Variants in AKT3 observed in about 807,000 individuals in gnomAD.
The protein encoded by AKT3 is AKT serine/threonine kinase 3, also known as RAC-gamma serine/threonine-protein kinase.
A neutral mutation model predicts 65.3 loss-of-function variants in AKT3; 15 were observed. That is an observed-to-expected ratio of 0.23 (90% CI 0.15 to 0.35). The LOEUF is 0.35. Ranked by LOEUF, AKT3 falls within the 10% of genes least tolerant of loss-of-function variation. AKT3 has a pLI of 1.00. For synonymous variants in AKT3, 206 were observed against 183.8 expected, an observed-to-expected ratio of 1.12 and a Z score of -0.98; for missense variants, 243 against 576.5, an observed-to-expected ratio of 0.42 and a Z score of 5.92.
intron 4 of AKT3, among the ~76,000 whole-genome samples, chr1:243,655,375 T>G (rs2147881198): frequency 1.3e-5 from 2 of 152,326 alleles, no homozygotes; most frequent in South Asian, 4.1e-4. Flanking sequence ...TCAAACAATT[T>G]TAACATACTT....
intron 8 of AKT3, among the ~76,000 whole-genome samples, chr1:243,608,460 A>G (rs981696519): frequency 6.6e-6 from 1 of 152,176 alleles, no homozygotes; most frequent in Non-Finnish European, 1.5e-5. Context: ...CGAGGCCACT[A>G]AAGGAGCTCA....
At chr1:243,586,559 A>T (rs754134123) in intron 8 of AKT3, among the ~76,000 whole-genome samples, 2 of 152,210 alleles carry the variant, frequency 1.3e-5, no homozygotes, top group Non-Finnish European at 2.9e-5. Context: ...AAAAGAACAA[A>T]ATCCGGTCCT....
intron 6 of AKT3, among the ~76,000 whole-genome samples, chr1:243,624,133 C>T (rs1164115936): frequency 1.3e-5 from 2 of 152,122 alleles, no homozygotes; most frequent in Non-Finnish European, 2.9e-5. Flanking sequence ...ATGGCAAAAA[C>T]ATTGTTTCAA....
chr1:243,768,070 G>T (rs945054956), intron 2 of AKT3, among the ~76,000 whole-genome samples: 1 of 150,950 alleles, frequency 6.6e-6, no homozygotes, highest in Non-Finnish European at 1.5e-5. Context: ...ATTATAAAAT[G>T]CCATAAACTA....
At chr1:243,586,363 C>G (rs1280536582) in intron 8 of AKT3, among the ~76,000 whole-genome samples, 4 of 152,156 alleles carry the variant, frequency 2.6e-5, no homozygotes, top group Non-Finnish European at 5.9e-5. Context: ...TAAAATAAAG[C>G]TACCATTTGA....
At position 243,624,248 on chromosome 1, in the gene AKT3, T is replaced by C. The variant is rs572525983; in HGVS notation, c.562-9087A>G. Among the ~76,000 whole-genome samples, 43 of 152,314 alleles carry C rather than the reference T, an allele frequency of 2.8e-4. No individual in the cohort carries two copies. In the South Asian group the frequency reaches 7.3e-3, roughly 26 times the overall value. ...AGCTGTACTGTGCTGTTACTACATATAGAAGTTGTCAATGGAATTTAGAAA... is the reference window on the plus strand; with the variant it reads ...AGCTGTACTGTGCTGTTACTACATACAGAAGTTGTCAATGGAATTTAGAAA... On this transcript the variant is annotated intron_variant, in intron 6 of 13. Coordinates refer to ENST00000673466, the MANE Select transcript of AKT3 (RefSeq NM_005465.7).
intron 4 of AKT3, among the ~76,000 whole-genome samples, chr1:243,655,929 C>T (rs909665158): frequency 6.6e-6 from 1 of 152,032 alleles, no homozygotes; most frequent in Non-Finnish European, 1.5e-5. Flanking sequence ...CAGTTTTGGC[C>T]CAATAAATCT....
chr1:243,743,462 A>G (rs940744187), intron 2 of AKT3, among the ~76,000 whole-genome samples: 1 of 152,230 alleles, frequency 6.6e-6, no homozygotes, highest in East Asian at 1.9e-4. Context: ...TTTGAAATCA[A>G]TTCCATGGTT....
chr1:243,615,233 A>G, intron 6 of AKT3, 72 bp from the exon 7 acceptor site: 1 of 1,226,990 alleles, frequency 8.2e-7, no homozygotes, highest in East Asian at 2.4e-5. Context: ...CTATTTCTCT[A>G]AAATTGGAAG....
intron 2 of AKT3, among the ~76,000 whole-genome samples, chr1:243,712,106 C>G (rs777850945): frequency 6.6e-6 from 1 of 152,176 alleles, no homozygotes; most frequent in Non-Finnish European, 1.5e-5. Flanking sequence ...CGCCTCCAAA[C>G]TTGGTAGGGA....
intron 4 of AKT3, among the ~76,000 whole-genome samples, chr1:243,655,989 A>T (rs1681755945): frequency 2.6e-5 from 4 of 151,702 alleles, no homozygotes; most frequent in Non-Finnish European, 5.9e-5. Flanking sequence ...AACAAACAAA[A>T]GTCTTTTCCA....
chr1:243,837,078 C>T (rs971377393), intron 2 of AKT3, among the ~76,000 whole-genome samples: 2 of 151,782 alleles, frequency 1.3e-5, no homozygotes, highest in South Asian at 2.1e-4. Context: ...TCCCAGCACT[C>T]GGGGAGGCCA....
At chr1:243,705,192 C>T (rs544676794) in intron 2 of AKT3, among the ~76,000 whole-genome samples, 2 of 152,172 alleles carry the variant, frequency 1.3e-5, no homozygotes, top group South Asian at 2.1e-4. Context: ...GCCAAAAGTC[C>T]GAGAAGCAAT....
chr1:243,850,303 G>C (rs1396027339), upstream of AKT3, among the ~76,000 whole-genome samples: 2 of 147,480 alleles, frequency 1.4e-5, no homozygotes, highest in African/African-American at 5.0e-5. Context: ...GGAGGCGGCG[G>C]CGGCGGCGGC....
chr1:243,540,769 G>C (rs1356692663), intron 12 of AKT3, among the ~76,000 whole-genome samples: 15 of 152,208 alleles, frequency 9.9e-5, no homozygotes. Context: ...CAATCTATGA[G>C]TGTTCCATCA....
At chr1:243,524,320 C>G (rs1306473486) in intron 12 of AKT3, among the ~76,000 whole-genome samples, 2 of 152,208 alleles carry the variant, frequency 1.3e-5, no homozygotes, top group Non-Finnish European at 2.9e-5. Context: ...TGCCAAACAC[C>G]AAGCACCAGC....
At chr1:243,604,312 C>A (rs1677235625) in intron 8 of AKT3, among the ~76,000 whole-genome samples, 1 of 152,190 alleles carries the variant, frequency 6.6e-6, no homozygotes, top group South Asian at 2.1e-4. Flanking sequence ...GCCAAGTATT[C>A]TTTCTAAACA....
chr1:243,562,555 A>AG (rs1673868063), intron 10 of AKT3, among the ~76,000 whole-genome samples: 1 of 152,212 alleles, frequency 6.6e-6, no homozygotes, highest in African/African-American at 2.4e-5. Flanking sequence ...GTGGAAACAA[A>AG]GGCACCATGC....
chr1:243,609,911 G>A (rs992635231), intron 8 of AKT3, among the ~76,000 whole-genome samples: 3 of 152,212 alleles, frequency 2.0e-5, no homozygotes, highest in African/African-American at 4.8e-5. Context: ...CCTCTAGGAA[G>A]CTTTCCCTCA....
Sources: allele counts gnomAD v4.1 joint callset (sites outside exome capture counted in the v4.1 genomes callset), GRCh38; gene constraint gnomAD v4.1.1; transcripts MANE v1.5; gene names NCBI Gene and HGNC (gene_info 2026-07-23, HGNC 2026-07-21).